IL1RAPL1: variants seen among roughly 807,000 people sequenced by gnomAD.
IL1RAPL1 encodes interleukin 1 receptor accessory protein like 1.
A neutral mutation model predicts 48.4 loss-of-function variants in IL1RAPL1; 3 were observed. The observed-to-expected ratio is 0.06, with a 90% CI of 0.03 to 0.16. The LOEUF (loss-of-function observed/expected upper bound fraction) is 0.16, where lower values mean the gene tolerates loss of function less well. Ranked by LOEUF, IL1RAPL1 falls within the 10% of genes least tolerant of loss-of-function variation. IL1RAPL1 has a pLI of 1.00. For missense variants in IL1RAPL1, 349 were observed against 530.6 expected (o/e 0.66, Z 3.36); for synonymous variants, 185 against 187.7 (o/e 0.99, Z 0.12).
At chrX:29,633,482 C>T (rs1430499229) in intron 5 of IL1RAPL1, among the ~76,000 whole-genome samples, 9 of 109,111 alleles carry the variant, frequency 8.2e-5, no homozygotes, top group Admixed American at 6.0e-4. Context: ...CACACACACA[C>T]ACACACACAC....
At chrX:29,640,815 C>T (rs780064859) in intron 5 of IL1RAPL1, among the ~76,000 whole-genome samples, 94 of 112,234 alleles carry the variant, frequency 8.4e-4, no homozygotes, top group African/African-American at 3.0e-3. Flanking sequence ...TGTACTTTCT[C>T]ATGGCAGTAA....
At chrX:29,468,361 G>A (rs1343410867) in intron 5 of IL1RAPL1, among the ~76,000 whole-genome samples, 2 of 112,298 alleles carry the variant, frequency 1.8e-5, no homozygotes, top group African/African-American at 3.2e-5. Flanking sequence ...GTGCAAACAT[G>A]TAAGTGAAGG....
At position 29,330,250 on chromosome X, in the gene IL1RAPL1, C is replaced by T. The variant is rs149084444; in HGVS notation, c.362+47033C>T. ...GAACCAGCAACATCTGTAACATATT[C>T]AAATGCAATTTCATTTTAGCTTCCA... On this transcript the variant is annotated intron_variant, in intron 3 of 10. Coordinates refer to ENST00000378993, the MANE Select transcript of IL1RAPL1 (RefSeq NM_014271.4). Among the ~76,000 whole-genome samples, 1,007 of 112,323 alleles carry T rather than the reference C, an allele frequency of 9.0e-3. 8 individuals carry two copies. The highest frequency in any genetic ancestry group is 0.031 in the African/African-American group (957 of 30,915).
At chrX:29,111,836 T>C (rs2147470722) in intron 2 of IL1RAPL1, among the ~76,000 whole-genome samples, 1 of 110,719 alleles carries the variant, frequency 9.0e-6, no homozygotes, top group Non-Finnish European at 1.9e-5. Flanking sequence ...GAGGTAACTA[T>C]CTGTCCCTCC....
At chrX:28,971,888 G>GTGTGTGTGTGTA (rs1569210908) in intron 2 of IL1RAPL1, among the ~76,000 whole-genome samples, 2 of 105,737 alleles carry the variant, frequency 1.9e-5, no homozygotes, top group African/African-American at 7.0e-5. Flanking sequence ...GTGTGTGTGT[G>GTGTGTGTGTGTA]TGTGTGTGTG....
intron 6 of IL1RAPL1, among the ~76,000 whole-genome samples, chrX:29,842,024 TTGTG>T (rs1043995353): frequency 1.2e-4 from 14 of 112,042 alleles, no homozygotes; most frequent in African/African-American, 4.5e-4. Context: ...CAGCAGGAAG[TTGTG>T]ACAACATGTG....
At chrX:29,418,838 A>G (rs1158200371) in intron 5 of IL1RAPL1, among the ~76,000 whole-genome samples, 2 of 112,089 alleles carry the variant, frequency 1.8e-5, no homozygotes, top group Non-Finnish European at 3.8e-5. Context: ...ATATAATCAG[A>G]TCATTTTATG....
rs141730759 is a variant in IL1RAPL1 at position 29,189,897 on chromosome X, A to G, written c.83-93041A>G. ...AATATAATCCAGTTATGGGCCACACATTGTATGAGGCATTAGAAGAAGTAT... is the reference window on the plus strand; with the variant it reads ...AATATAATCCAGTTATGGGCCACACGTTGTATGAGGCATTAGAAGAAGTAT... On this transcript the variant is annotated intron_variant, in intron 2 of 10. Transcript: ENST00000378993. 5.9e-3 allele frequency among the ~76,000 whole-genome samples: 655 copies of G among 111,746 alleles called. 4 individuals carry two copies. The South Asian group carries it at 0.067, about 11-fold the overall frequency.
chrX:29,219,492 T>C (rs925873757), intron 2 of IL1RAPL1, among the ~76,000 whole-genome samples: 1 of 111,304 alleles, frequency 9.0e-6, no homozygotes, highest in African/African-American at 3.3e-5. Flanking sequence ...ATAATTGTGC[T>C]AAAAGTCATC....
intron 6 of IL1RAPL1, among the ~76,000 whole-genome samples, chrX:29,867,117 C>G (rs1931709974): frequency 9.1e-6 from 1 of 109,751 alleles, no homozygotes; most frequent in South Asian, 3.9e-4. Context: ...GCCTATTGAC[C>G]ACATTCATAA....
chrX:28,665,633 G>A (rs1020721405), intron 1 of IL1RAPL1, among the ~76,000 whole-genome samples: 13 of 110,292 alleles, frequency 1.2e-4, no homozygotes, highest in African/African-American at 4.0e-4. Context: ...TGGGATTACA[G>A]GCATGCACCA....
intron 5 of IL1RAPL1, among the ~76,000 whole-genome samples, chrX:29,556,386 C>A (rs1457417468): frequency 9.0e-6 from 1 of 111,541 alleles, no homozygotes; most frequent in East Asian, 2.8e-4. Context: ...TAGTGGCTCA[C>A]GCCTGTAATC....
At chrX:28,654,264 G>A (rs1412530371) in intron 1 of IL1RAPL1, among the ~76,000 whole-genome samples, 1 of 108,790 alleles carries the variant, frequency 9.2e-6, no homozygotes, top group East Asian at 2.9e-4. Flanking sequence ...AAAATAATAA[G>A]TTATCTGTTA....
chrX:29,334,157 C>A (rs1186031342), intron 3 of IL1RAPL1, among the ~76,000 whole-genome samples: 8 of 73,515 alleles, frequency 1.1e-4, no homozygotes, highest in Non-Finnish European at 1.1e-4. Flanking sequence ...CGGGCAGAGG[C>A]GCCCCTCACC....
chrX:29,216,610 C>T (rs1311546761), intron 2 of IL1RAPL1, among the ~76,000 whole-genome samples: 2 of 111,723 alleles, frequency 1.8e-5, no homozygotes, highest in Admixed American at 9.6e-5. Flanking sequence ...TGCCTACAAA[C>T]ACCTGCAACT....
At chrX:29,501,727 T>C (rs1389706636) in intron 5 of IL1RAPL1, among the ~76,000 whole-genome samples, 3 of 111,087 alleles carry the variant, frequency 2.7e-5, no homozygotes, top group African/African-American at 9.8e-5. Flanking sequence ...TTGTAGTATA[T>C]TTTGAAGTCA....
chrX:28,722,215 T>A (rs1395202057), intron 1 of IL1RAPL1, among the ~76,000 whole-genome samples: 1 of 111,872 alleles, frequency 8.9e-6, no homozygotes, highest in Non-Finnish European at 1.9e-5. Context: ...TATTAATTCT[T>A]CCTATCCATG....
At chrX:29,217,364 A>C in intron 2 of IL1RAPL1, among the ~76,000 whole-genome samples, 1 of 112,281 alleles carries the variant, frequency 8.9e-6, no homozygotes, top group Middle Eastern at 4.6e-3. Flanking sequence ...AACACCAAAT[A>C]TTTGCCAGGT....
intron 2 of IL1RAPL1, among the ~76,000 whole-genome samples, chrX:29,032,869 G>T (rs997492419): frequency 5.3e-5 from 6 of 112,287 alleles, no homozygotes; most frequent in Admixed American, 9.5e-5. Context: ...ACCCTTTCTT[G>T]ATTAACTGAA....
Sources: allele counts gnomAD v4.1 joint callset (sites outside exome capture counted in the v4.1 genomes callset), GRCh38; gene constraint gnomAD v4.1.1; transcripts MANE v1.5; gene names NCBI Gene and HGNC (gene_info 2026-07-23, HGNC 2026-07-21).